SESTD1: variants seen among roughly 807,000 people sequenced by gnomAD.
SESTD1 encodes the protein SEC14 and spectrin domain containing 1, also known as SEC14 domain and spectrin repeat-containing protein 1.
SESTD1 carries 43 observed loss-of-function variants against 101.7 expected under a neutral mutation model. The observed-to-expected ratio is 0.42, with a 90% confidence interval of 0.33 to 0.55. SESTD1 has a LOEUF of 0.55. Ranked by LOEUF, SESTD1 falls within the 20% of genes least tolerant of loss-of-function variation. The pLI is 0.07. For missense variants in SESTD1, 647 were observed against 815.1 expected, an observed-to-expected ratio of 0.79 and a Z score of 2.51; for synonymous variants, 283 against 286.8, an observed-to-expected ratio of 0.99 and a Z score of 0.13.
chr2:179,199,021 GT>G (rs1469059490), intron 1 of SESTD1, among the ~76,000 whole-genome samples: 1 of 152,126 alleles, frequency 6.6e-6, no homozygotes, highest in African/African-American at 2.4e-5. Flanking sequence ...CCAGGACCTG[GT>G]TTTTTGACAG....
chr2:179,103,663 ACT>A lies in SESTD1; in HGVS notation c.*6234_*6235del, dbSNP rs1377563537. On this transcript the variant is annotated 3_prime_UTR_variant, in exon 18 of 18. Transcript: ENST00000428443. ...TGTAGAAAAGCGTACATGTTGCGTGACTCTATTTATATAAAGTTTTAGAACAG... is the reference window on the plus strand; with the variant it reads ...TGTAGAAAAGCGTACATGTTGCGTGACTATTTATATAAAGTTTTAGAACAG... The A allele has an allele frequency of 6.6e-6, 1 of 152,062 alleles. No individual in the cohort carries two copies. Among genetic ancestry groups the A allele is most frequent in the Admixed American group, 6.6e-5 (1 of 15,248 alleles). The allele number at this position is 152,062 out of a possible 1,614,324, so 9.4% of individuals were successfully genotyped here. A position where few individuals can be genotyped will look rare whatever the true frequency, so the allele number is the denominator to read the frequency against.
chr2:179,120,134 C>T (rs953351390), intron 13 of SESTD1, among the ~76,000 whole-genome samples: 2 of 151,932 alleles, frequency 1.3e-5, no homozygotes, highest in African/African-American at 2.4e-5. Flanking sequence ...AAGGCTGAGG[C>T]AGAAGAATCG....
Position 179,110,023 on chromosome 2 carries a change from T to C in SESTD1, c.1967A>G (p.Glu656Gly). ...TVPVVYPDGT[E>G]QYFGSPSDMA... is the part of the protein sequence containing the mutation. Reference sequence around the variant, plus strand: ...GTCACTTGGACTCCCAAAATATTGTTCGGTTCTAAAAATCAAAACACACAG... The same window carrying C: ...GTCACTTGGACTCCCAAAATATTGTCCGGTTCTAAAAATCAAAACACACAG... Residue 656 changes from glutamate to glycine, a missense_variant, in exon 18 of 18, where the codon GAA (glutamate) becomes GGA (glycine). By Grantham distance (98) the Glu-to-Gly change is moderately conservative. Around this residue, in one of 3 missense-constraint regions of SESTD1, gnomAD observed 476 missense variants for 562.6 expected, o/e 0.85. Coordinates refer to ENST00000428443, the MANE Select transcript of SESTD1 (RefSeq NM_178123.5). 6.2e-7 allele frequency: 1 copy of C among 1,613,586 alleles called. No homozygotes were observed. The highest frequency in any genetic ancestry group is 8.5e-7 in the Non-Finnish European group (1 of 1,179,702).
intron 9 of SESTD1, among the ~76,000 whole-genome samples, chr2:179,136,148 G>A (rs1304271436): frequency 3.3e-5 from 5 of 152,054 alleles, no homozygotes; most frequent in African/African-American, 4.8e-5. Flanking sequence ...TCTGAATTCC[G>A]GCTCTGCTTC....
intron 10 of SESTD1, among the ~76,000 whole-genome samples, chr2:179,127,272 G>A (rs529301016): frequency 1.3e-5 from 2 of 152,128 alleles, no homozygotes; most frequent in Non-Finnish European, 2.9e-5. Context: ...ATTACTTCTC[G>A]ACATCATTTC....
chr2:179,149,416 C>A, intron 6 of SESTD1, 22 bp from the exon 7 acceptor site: 1 of 1,478,544 alleles, frequency 6.8e-7, no homozygotes. Context: ...GTTTTATTAA[C>A]ATACTAAGAA....
chr2:179,137,521 G>A (rs1575435306), intron 9 of SESTD1, among the ~76,000 whole-genome samples: 1 of 152,352 alleles, frequency 6.6e-6, no homozygotes, highest in East Asian at 1.9e-4. Flanking sequence ...AACATTTGCA[G>A]TGCTGGCAGT....
intron 1 of SESTD1, among the ~76,000 whole-genome samples, chr2:179,196,436 A>G (rs1039455291): frequency 6.6e-6 from 1 of 152,220 alleles, no homozygotes; most frequent in African/African-American, 2.4e-5. Flanking sequence ...CAGGAAGCTC[A>G]AACTGGGTGG....
At chr2:179,251,421 G>C (rs892457486) in intron 1 of SESTD1, among the ~76,000 whole-genome samples, 2 of 152,316 alleles carry the variant, frequency 1.3e-5, no homozygotes, top group Admixed American at 1.3e-4. Flanking sequence ...TCACATAGGG[G>C]TGGATGAAGA....
rs976424652 is a variant in SESTD1, at chr2:179,109,396, T to G, written c.*503A>C. 1 of 262,432 alleles carries G rather than the reference T, an allele frequency of 3.8e-6. No individual in the cohort carries two copies. Among genetic ancestry groups the G allele is most frequent in the African/African-American group, 2.2e-5 (1 of 45,848 alleles). The allele number at this position is 262,432 out of a possible 1,614,324, so 16.3% of individuals were successfully genotyped here. On this transcript the variant is annotated 3_prime_UTR_variant, in exon 18 of 18. Coordinates refer to ENST00000428443, the MANE Select transcript of SESTD1 (RefSeq NM_178123.5). Reference sequence around the variant, plus strand: ...AAGGTCTTTTAATGACTATGATATATCAAAGATCTGAAAGGCTTTCTCTGT... The same window carrying G: ...AAGGTCTTTTAATGACTATGATATAGCAAAGATCTGAAAGGCTTTCTCTGT...
chr2:179,221,709 C>T (rs760574850), intron 1 of SESTD1, among the ~76,000 whole-genome samples: 2 of 150,552 alleles, frequency 1.3e-5, no homozygotes, highest in African/African-American at 2.4e-5. Context: ...TATGAGCCTA[C>T]GAGTTTGAGA....
intron 1 of SESTD1, among the ~76,000 whole-genome samples, chr2:179,209,711 G>A (rs2046627767): frequency 1.5e-5 from 2 of 133,880 alleles, no homozygotes; most frequent in Non-Finnish European, 3.2e-5. Flanking sequence ...CAGCAACAAT[G>A]GTGCTAAGAG....
chr2:179,121,337 C>A (rs780970230), intron 13 of SESTD1, among the ~76,000 whole-genome samples: 9 of 152,074 alleles, frequency 5.9e-5, no homozygotes, highest in Non-Finnish European at 7.4e-5. Context: ...CTGTTTAATC[C>A]TCCTACAGCA....
chr2:179,184,989 C>G (rs916998936), intron 2 of SESTD1, among the ~76,000 whole-genome samples: 6 of 152,070 alleles, frequency 3.9e-5, no homozygotes, highest in Non-Finnish European at 7.4e-5. Flanking sequence ...AAATGCTACA[C>G]AGAGACAAGC....
chr2:179,156,924 A>G (rs1055472781), intron 5 of SESTD1, among the ~76,000 whole-genome samples: 1 of 152,132 alleles, frequency 6.6e-6, no homozygotes, highest in Non-Finnish European at 1.5e-5. Context: ...GGTTTTTCCA[A>G]TGTTATCTTT....
At chr2:179,258,302 A>G (rs1376934820) in intron 1 of SESTD1, among the ~76,000 whole-genome samples, 1 of 152,200 alleles carries the variant, frequency 6.6e-6, no homozygotes, top group Non-Finnish European at 1.5e-5. Flanking sequence ...TAGAATTCCT[A>G]AACTTTCTAA....
intron 13 of SESTD1, among the ~76,000 whole-genome samples, chr2:179,120,065 C>A (rs991001881): frequency 6.6e-6 from 1 of 151,932 alleles, no homozygotes; most frequent in Non-Finnish European, 1.5e-5. Context: ...ACCGTCTCTA[C>A]TAAAAATACA....
At chr2:179,150,902 G>A (rs577619015) in intron 6 of SESTD1, among the ~76,000 whole-genome samples, 1 of 152,130 alleles carries the variant, frequency 6.6e-6, no homozygotes, top group Non-Finnish European at 1.5e-5. Flanking sequence ...TGACAGAACA[G>A]TAATAGCTAA....
intron 1 of SESTD1, among the ~76,000 whole-genome samples, chr2:179,214,368 T>C (rs1170223716): frequency 1.5e-5 from 2 of 132,850 alleles, no homozygotes; most frequent in Non-Finnish European, 3.2e-5. Context: ...CCAACAAAGA[T>C]CAAAACAGAC....
Sources: allele counts gnomAD v4.1 joint callset (sites outside exome capture counted in the v4.1 genomes callset), GRCh38; gene constraint gnomAD v4.1.1; regional missense constraint gnomAD v4.1.1; transcripts MANE v1.5; gene names NCBI Gene and HGNC (gene_info 2026-07-23, HGNC 2026-07-21).